The following ANGPT1 variants were observed in gnomAD, a reference collection of about 807,000 sequenced individuals.
ANGPT1 encodes the protein angiopoietin-1.
A neutral mutation model predicts 62.2 loss-of-function variants in ANGPT1; 17 were observed. The ratio of observed to expected loss-of-function variants is 0.27; its 90% CI spans 0.19 to 0.41. ANGPT1 has a LOEUF of 0.41. Among genes scored for constraint, ANGPT1 ranks in the 10% least tolerant of loss-of-function variants. ANGPT1 has a pLI of 1.00. For missense variants in ANGPT1, 478 were observed against 594.9 expected, an observed-to-expected ratio of 0.80 and a Z score of 2.04; for synonymous variants, 199 against 198.9, an observed-to-expected ratio of 1.00 and a Z score of 0.00.
At chr8:107,285,050 A>T (rs908033851) in intron 6 of ANGPT1, among the ~76,000 whole-genome samples, 1 of 152,144 alleles carries the variant, frequency 6.6e-6, no homozygotes, top group Non-Finnish European at 1.5e-5. Context: ...ATTCTTACTT[A>T]GTACAATAAA....
chr8:107,376,294 T>C (rs1450579417), intron 1 of ANGPT1, among the ~76,000 whole-genome samples: 1 of 152,196 alleles, frequency 6.6e-6, no homozygotes, highest in African/African-American at 2.4e-5. Context: ...ATAGGATCCA[T>C]GTATGTGGTA....
intron 7 of ANGPT1, among the ~76,000 whole-genome samples, chr8:107,268,406 T>TTG (rs10655133): frequency 0.2 from 29,324 of 144,430 alleles, 2,946 homozygotes; most frequent in African/African-American, 0.28. Context: ...ACATGTAGGG[T>TTG]TGTGTGTGTG....
At chr8:107,402,731 C>T (rs1817070199) in intron 1 of ANGPT1, among the ~76,000 whole-genome samples, 2 of 152,056 alleles carry the variant, frequency 1.3e-5, no homozygotes, top group South Asian at 4.1e-4. Context: ...AGTCCATGAT[C>T]CTTAATCTCT....
chr8:107,298,357 A>C (rs1196397715), intron 5 of ANGPT1, among the ~76,000 whole-genome samples: 1 of 151,928 alleles, frequency 6.6e-6, no homozygotes, highest in Non-Finnish European at 1.5e-5. Context: ...ATTTTACAAT[A>C]AGCAGAGTAA....
chr8:107,470,588 T>G (rs185316606), intron 1 of ANGPT1, among the ~76,000 whole-genome samples: 1 of 152,272 alleles, frequency 6.6e-6, no homozygotes, highest in Non-Finnish European at 1.5e-5. Flanking sequence ...GGTTGCCTGT[T>G]CACTCTGATG....
chr8:107,345,140 A>G (rs945291245), intron 2 of ANGPT1, among the ~76,000 whole-genome samples: 1 of 152,136 alleles, frequency 6.6e-6, no homozygotes, highest in Non-Finnish European at 1.5e-5. Flanking sequence ...CTTCCCTCTC[A>G]TTGCTACTTG....
intron 4 of ANGPT1, among the ~76,000 whole-genome samples, chr8:107,317,627 TA>T (rs147664177): frequency 2.4e-4 from 22 of 91,172 alleles, no homozygotes; most frequent in South Asian, 1.6e-3. Context: ...AATTTATTTT[TA>T]TTTTTATTTT....
intron 3 of ANGPT1, among the ~76,000 whole-genome samples, chr8:107,327,424 C>T (rs1021039483): frequency 6.6e-6 from 1 of 152,106 alleles, no homozygotes; most frequent in African/African-American, 2.4e-5. Flanking sequence ...TCCCTGATGA[C>T]AGTCTCAGCT....
chr8:107,464,945 A>T (rs896932498), intron 1 of ANGPT1, among the ~76,000 whole-genome samples: 1 of 152,138 alleles, frequency 6.6e-6, no homozygotes, highest in African/African-American at 2.4e-5. Flanking sequence ...GGGATCAAGA[A>T]GGTTTTCCAG....
intron 1 of ANGPT1, among the ~76,000 whole-genome samples, chr8:107,370,329 GGAA>G (rs757089885): frequency 0.014 from 387 of 28,008 alleles, 75 homozygotes; most frequent in African/African-American, 0.031. Flanking sequence ...GAAAGAGAAA[GGAA>G]AGAAAGAAAA....
chr8:107,435,525 A>G (rs1043170616), intron 1 of ANGPT1, among the ~76,000 whole-genome samples: 2 of 152,194 alleles, frequency 1.3e-5, no homozygotes, highest in Non-Finnish European at 2.9e-5. Flanking sequence ...GGGGAGTGTC[A>G]TGTGTTGGCT....
chr8:107,338,434 A>C (rs1815620962), intron 2 of ANGPT1, among the ~76,000 whole-genome samples: 1 of 152,254 alleles, frequency 6.6e-6, no homozygotes, highest in African/African-American at 2.4e-5. Context: ...CTACAGTCCT[A>C]GCCCCGCAAG....
At chr8:107,469,425 C>T (rs531050713) in intron 1 of ANGPT1, among the ~76,000 whole-genome samples, 24 of 152,022 alleles carry the variant, frequency 1.6e-4, no homozygotes, top group African/African-American at 5.5e-4. Flanking sequence ...TACCACAATG[C>T]TTGGGGGGTA....
chr8:107,382,322 A>G (rs753277080), intron 1 of ANGPT1, among the ~76,000 whole-genome samples: 1 of 152,152 alleles, frequency 6.6e-6, no homozygotes, highest in Non-Finnish European at 1.5e-5. Context: ...GATTACAAAA[A>G]TGCAGAATAT....
intron 1 of ANGPT1, among the ~76,000 whole-genome samples, chr8:107,475,148 C>G (rs1375113412): frequency 2.0e-5 from 3 of 152,116 alleles, no homozygotes; most frequent in Non-Finnish European, 4.4e-5. Flanking sequence ...GCCAAAAGAA[C>G]AAAGCTGGAG....
At chr8:107,288,999 A>G (rs545353188) in intron 6 of ANGPT1, among the ~76,000 whole-genome samples, 212 of 152,300 alleles carry the variant, frequency 1.4e-3, no homozygotes, top group African/African-American at 4.7e-3. Context: ...ACGAATGAGT[A>G]AACAATTACA....
intron 1 of ANGPT1, among the ~76,000 whole-genome samples, chr8:107,461,447 T>G (rs1812069276): frequency 6.6e-6 from 1 of 152,154 alleles, no homozygotes; most frequent in South Asian, 2.1e-4. Context: ...CACATTTTAA[T>G]TTGTCCAAGT....
intron 1 of ANGPT1, among the ~76,000 whole-genome samples, chr8:107,444,490 T>A (rs1205075911): frequency 6.6e-6 from 1 of 152,194 alleles, no homozygotes; most frequent in African/African-American, 2.4e-5. Context: ...CGAGGTCCTA[T>A]CCCTCATTCT....
chr8:107,362,221 A>G (rs1347477789), intron 1 of ANGPT1, among the ~76,000 whole-genome samples: 1 of 152,238 alleles, frequency 6.6e-6, no homozygotes, highest in Admixed American at 6.5e-5. Flanking sequence ...CGTGCCATGA[A>G]TACATAAATA....
Sources: allele counts gnomAD v4.1 joint callset (sites outside exome capture counted in the v4.1 genomes callset), GRCh38; gene constraint gnomAD v4.1.1; transcripts MANE v1.5; gene names NCBI Gene and HGNC (gene_info 2026-07-23, HGNC 2026-07-21).